Variants in PCDH15 observed in about 807,000 individuals in gnomAD.
PCDH15 encodes protocadherin-15.
In PCDH15, 129 loss-of-function variants were observed where a neutral mutation model predicts 178.5. That is an observed-to-expected ratio of 0.72 (90% CI 0.63 to 0.84). The LOEUF is 0.84. PCDH15 is among the 40% of genes least tolerant of loss of function. The pLI is 0.00. For missense variants in PCDH15, 2,230 were observed against 2,099.9 expected, an observed-to-expected ratio of 1.06 and a Z score of -1.21; for synonymous variants, 800 against 732.0, an observed-to-expected ratio of 1.09 and a Z score of -1.50.
At chr10:54,960,066 ATTC>A (rs1382567414) in intron 2 of PCDH15, among the ~76,000 whole-genome samples, 1 of 152,104 alleles carries the variant, frequency 6.6e-6, no homozygotes, top group Non-Finnish European at 1.5e-5. Flanking sequence ...TATGACCTTT[ATTC>A]TTCTTTTATT....
intron 2 of PCDH15, among the ~76,000 whole-genome samples, chr10:55,092,097 G>C (rs2132036545): frequency 6.6e-6 from 1 of 151,916 alleles, no homozygotes; most frequent in South Asian, 2.1e-4. Context: ...ATTATCTCTG[G>C]AAAAGCTCAG....
At chr10:55,312,518 A>T (rs952050840) in intron 1 of PCDH15, among the ~76,000 whole-genome samples, 3 of 152,152 alleles carry the variant, frequency 2.0e-5, no homozygotes, top group Non-Finnish European at 4.4e-5. Context: ...TCTTACTTAA[A>T]AAAAGGCAAA....
chr10:54,419,408 C>A (rs1334095134), intron 3 of PCDH15, among the ~76,000 whole-genome samples: 1 of 152,030 alleles, frequency 6.6e-6, no homozygotes, highest in Non-Finnish European at 1.5e-5. Flanking sequence ...CTAATTCCTT[C>A]ATTTGCATTT....
chr10:54,508,501 C>T (rs1227263383), intron 3 of PCDH15, among the ~76,000 whole-genome samples: 3 of 152,096 alleles, frequency 2.0e-5, no homozygotes, highest in African/African-American at 7.2e-5. Context: ...AATGTCATAG[C>T]ATAACATAGC....
intron 2 of PCDH15, among the ~76,000 whole-genome samples, chr10:55,609,942 C>G (rs561771286): frequency 6.6e-6 from 1 of 151,940 alleles, no homozygotes; most frequent in Admixed American, 6.6e-5. Flanking sequence ...TAATAAGGAG[C>G]AAACTGTCAT....
At chr10:54,061,234 T>G (rs966836960) in intron 18 of PCDH15, among the ~76,000 whole-genome samples, 1 of 152,170 alleles carries the variant, frequency 6.6e-6, no homozygotes, top group African/African-American at 2.4e-5. Flanking sequence ...ATTCTAAAGA[T>G]CAATTATTTG....
chr10:54,264,860 T>G (rs2057565730), intron 8 of PCDH15, among the ~76,000 whole-genome samples: 1 of 152,072 alleles, frequency 6.6e-6, no homozygotes, highest in South Asian at 2.1e-4. Flanking sequence ...CAAGAAAATA[T>G]TCTCAATTTT....
chr10:54,538,996 T>C (rs1337054742), intron 2 of PCDH15, among the ~76,000 whole-genome samples: 1 of 152,220 alleles, frequency 6.6e-6, no homozygotes, highest in African/African-American at 2.4e-5. Flanking sequence ...GCATTGAATC[T>C]CTTGATTGCT....
intron 1 of PCDH15, among the ~76,000 whole-genome samples, chr10:54,769,178 A>G (rs1409605770): frequency 6.6e-6 from 1 of 152,124 alleles, no homozygotes; most frequent in Non-Finnish European, 1.5e-5. Flanking sequence ...AATAATAATC[A>G]AAGTTGCAAG....
Position 53,884,906 on chromosome 10 carries a change from CATG to C in PCDH15, c.3502-18052_3502-18050del, listed in dbSNP as rs34639278. Among the ~76,000 whole-genome samples, 487 of 152,208 alleles carry C rather than the reference CATG, an allele frequency of 3.2e-3. 16 individuals carry two copies. In the East Asian group the frequency reaches 0.074, roughly 23 times the overall value. ...TTTCTCATTAGTTACCCCTAATTTT[CATG>C]ATGATTACTAACATAATATACCATT... On this transcript the variant is annotated intron_variant, in intron 26 of 37. Transcript: ENST00000644397.
intron 19 of PCDH15, among the ~76,000 whole-genome samples, chr10:54,021,163 C>G (rs888964616): frequency 3.3e-5 from 5 of 151,994 alleles, no homozygotes; most frequent in African/African-American, 1.2e-4. Context: ...GGAACGATAT[C>G]CTTTAGCTGA....
chr10:54,815,834 T>C (rs569865967), intron 3 of PCDH15, among the ~76,000 whole-genome samples: 1 of 152,112 alleles, frequency 6.6e-6, no homozygotes, highest in Non-Finnish European at 1.5e-5. Context: ...AGTACACTAC[T>C]CTAAATGTAT....
chr10:54,726,587 C>G (rs4935547), intron 1 of PCDH15, among the ~76,000 whole-genome samples: 2 of 151,218 alleles, frequency 1.3e-5, no homozygotes, highest in Non-Finnish European at 3.0e-5. Flanking sequence ...GAATTCAGAA[C>G]TTGGTTTTCA....
intron 26 of PCDH15, among the ~76,000 whole-genome samples, chr10:53,886,500 T>C (rs749206627): frequency 2.2e-4 from 34 of 152,018 alleles, no homozygotes; most frequent in Non-Finnish European, 3.4e-4. Flanking sequence ...TTAATCAACA[T>C]TGACTTAAAT....
rs1390285659 is a variant in PCDH15, at chr10:55,165,668, A to G, written c.-80+908T>C. On this transcript the variant is annotated intron_variant, in intron 2 of 5. Transcript: ENST00000458638. ...CTCGTGGATGAAAGAGAGTTTTTTC[A>G]TTTTTTCTGGAGCCAGGAGCAAGAG... Among the ~76,000 whole-genome samples, 6 of 151,880 alleles carry G rather than the reference A, an allele frequency of 4.0e-5. No homozygotes were observed. The East Asian group carries it at 1.2e-3, about 29-fold the overall frequency.
intron 2 of PCDH15, among the ~76,000 whole-genome samples, chr10:55,479,457 C>A (rs1441340660): frequency 6.6e-6 from 1 of 151,088 alleles, no homozygotes; most frequent in Non-Finnish European, 1.5e-5. Flanking sequence ...ATGATAACAT[C>A]TATAACATCC....
chr10:53,920,883 G>C (rs2083940848), intron 25 of PCDH15, among the ~76,000 whole-genome samples: 1 of 151,818 alleles, frequency 6.6e-6, no homozygotes, highest in Admixed American at 6.5e-5. Context: ...AATGAATAAA[G>C]AGAGAAGTGG....
chr10:54,969,083 T>C (rs1234558490), intron 2 of PCDH15, among the ~76,000 whole-genome samples: 1 of 58,484 alleles, frequency 1.7e-5, no homozygotes, highest in Admixed American at 2.2e-4. Flanking sequence ...GTTTCTATTA[T>C]TTTTTTTTTT....
intron 20 of PCDH15, among the ~76,000 whole-genome samples, chr10:54,013,016 A>C (rs2092637247): frequency 6.6e-6 from 1 of 152,196 alleles, no homozygotes; most frequent in African/African-American, 2.4e-5. Context: ...TAAGAGGCCC[A>C]TCTCACATGC....
Sources: allele counts gnomAD v4.1 joint callset (sites outside exome capture counted in the v4.1 genomes callset), GRCh38; gene constraint gnomAD v4.1.1; transcripts MANE v1.5; gene names NCBI Gene and HGNC (gene_info 2026-07-23, HGNC 2026-07-21).